Variants in PIK3R3 observed in about 807,000 individuals in gnomAD.
The protein encoded by PIK3R3 is phosphoinositide-3-kinase regulatory subunit 3.
PIK3R3 carries 64 observed loss-of-function variants against 62.9 expected under a neutral mutation model. The ratio of observed to expected loss-of-function variants is 1.02; its 90% confidence interval spans 0.83 to 1.25. The LOEUF (loss-of-function observed/expected upper bound fraction) is 1.25, where lower values mean the gene tolerates loss of function less well. PIK3R3 is among the 50% of genes most tolerant of loss of function. The probability of loss-of-function intolerance (pLI) is 0.00; values close to 1 mark genes in which losing one functional copy is unlikely to be tolerated. For missense variants in PIK3R3, 614 were observed against 561.6 expected, an observed-to-expected ratio of 1.09 and a Z score of -0.94; for synonymous variants, 165 against 189.0, an observed-to-expected ratio of 0.87 and a Z score of 1.04.
chr1:46,157,352 C>T, the PIK3R3 span, among the ~76,000 whole-genome samples: 3 of 152,072 alleles, frequency 2.0e-5, no homozygotes, highest in African/African-American at 4.8e-5. Context: ...AGGGTGGTCT[C>T]GAACTCATAA....
chr1:46,137,469 G>C (rs1655972081), upstream of PIK3R3, among the ~76,000 whole-genome samples: 1 of 152,232 alleles, frequency 6.6e-6, no homozygotes, highest in Non-Finnish European at 1.5e-5. Flanking sequence ...GCATGCACCT[G>C]CTTTAAATGT....
At chr1:46,101,143 G>A (rs1044368001) in intron 1 of PIK3R3, among the ~76,000 whole-genome samples, 7 of 141,052 alleles carry the variant, frequency 5.0e-5, no homozygotes, top group African/African-American at 1.9e-4. Flanking sequence ...CTGCACTCCA[G>A]CCTGGGAAAC....
intron 1 of PIK3R3, among the ~76,000 whole-genome samples, chr1:46,118,728 A>G (rs1250393833): frequency 6.6e-6 from 1 of 151,090 alleles, no homozygotes; most frequent in Non-Finnish European, 1.5e-5. Flanking sequence ...GCTAATTTTT[A>G]TATTATTAGT....
the PIK3R3 span, among the ~76,000 whole-genome samples, chr1:46,174,778 T>G: frequency 1.3e-5 from 2 of 152,018 alleles, no homozygotes; most frequent in African/African-American, 2.4e-5. Flanking sequence ...GGGCTCAAAC[T>G]CAGTCTTGCC....
the PIK3R3 span, among the ~76,000 whole-genome samples, chr1:46,162,054 C>T: frequency 2.2e-4 from 33 of 149,566 alleles, 1 homozygote; most frequent in Admixed American, 1.5e-3. Context: ...ATCGCGCCAC[C>T]GCACTCCAGC....
chr1:46,146,754 C>G, the PIK3R3 span, among the ~76,000 whole-genome samples: 3 of 132,182 alleles, frequency 2.3e-5, no homozygotes, highest in South Asian at 2.5e-4. Flanking sequence ...CACACACACA[C>G]AGCTTTGGTC....
rs777380631 is a variant in PIK3R3 at position 46,043,808 on chromosome 1, C to G, written c.1251G>C (p.Glu417Asp). Residue 417 changes from glutamate to aspartate, a missense_variant, in exon 10 of 10, where the codon GAG (glutamate) becomes GAC (aspartate). Glu to Asp is a conservative substitution (Grantham distance 45). Transcript: ENST00000262741. ...YSTARGYGFA[E>D]PYNLYSSLKE... ...TCAGAGAGCTGTACAGGTTGTAGGG[C>G]TCTGCAAAGCCATAGCCCCGAGCAG... The G allele has an allele frequency of 9.9e-6, 16 of 1,614,032 alleles. No individual in the cohort carries two copies. In the Admixed American group the frequency reaches 1.5e-4, roughly 15 times the overall value.
At chr1:46,077,055 A>G (rs1243122072) in intron 3 of PIK3R3, among the ~76,000 whole-genome samples, 1 of 152,148 alleles carries the variant, frequency 6.6e-6, no homozygotes, top group African/African-American at 2.4e-5. Flanking sequence ...CACTTAAAAG[A>G]CTCTAAATAT....
At chr1:46,093,098 C>G (rs1014892897) in intron 1 of PIK3R3, among the ~76,000 whole-genome samples, 4 of 152,192 alleles carry the variant, frequency 2.6e-5, no homozygotes, top group African/African-American at 9.7e-5. Context: ...TATTCTACCT[C>G]CCTGAACCAG....
chr1:46,127,777 T>C (rs1655227275), intron 1 of PIK3R3, among the ~76,000 whole-genome samples: 1 of 152,198 alleles, frequency 6.6e-6, no homozygotes, highest in Non-Finnish European at 1.5e-5. Flanking sequence ...GCTGTTCTGG[T>C]CTAGACCTCC....
chr1:46,079,850 A>G (rs2149413051), intron 2 of PIK3R3, among the ~76,000 whole-genome samples: 1 of 150,560 alleles, frequency 6.6e-6, no homozygotes, highest in South Asian at 2.1e-4. Context: ...GCTACTTGGG[A>G]GGCTGAGGCA....
intron 3 of PIK3R3, among the ~76,000 whole-genome samples, chr1:46,076,572 AGCT>A (rs1650084193): frequency 1.3e-5 from 2 of 152,218 alleles, no homozygotes; most frequent in African/African-American, 4.8e-5. Flanking sequence ...TAATTTCTTT[AGCT>A]CTTTACCAGA....
rs150772510 is a variant in PIK3R3 at position 46,107,980 on chromosome 1, T to C, written c.106+23867A>G. On this transcript the variant is annotated intron_variant, in intron 1 of 9. Coordinates refer to ENST00000262741, the MANE Select transcript of PIK3R3 (RefSeq NM_003629.4). ...ATCTGTGACCCTGAACAATTCACCC[T>C]TACTAAAGCTCATTTTCTTCACCTA... Among the ~76,000 whole-genome samples the C allele has an allele frequency of 7.9e-5, 12 of 152,332 alleles. No homozygotes were observed. In the East Asian group the frequency reaches 2.3e-3, roughly 29 times the overall value.
chr1:46,060,710 C>T (rs1648404650), intron 6 of PIK3R3, among the ~76,000 whole-genome samples: 1 of 152,096 alleles, frequency 6.6e-6, no homozygotes, highest in Non-Finnish European at 1.5e-5. Flanking sequence ...TGCCTCACAG[C>T]ACTTAGCTCT....
intron 6 of PIK3R3, among the ~76,000 whole-genome samples, chr1:46,061,614 G>A (rs145744287): frequency 1.3e-5 from 2 of 152,122 alleles, no homozygotes; most frequent in Non-Finnish European, 2.9e-5. Flanking sequence ...TGTTACACTA[G>A]GGATCAGGAC....
chr1:46,058,281 G>A (rs561865120), intron 6 of PIK3R3, among the ~76,000 whole-genome samples: 12 of 152,354 alleles, frequency 7.9e-5, no homozygotes, highest in African/African-American at 2.6e-4. Context: ...CTGCAGGGGC[G>A]GGGCTCTCAT....
intron 1 of PIK3R3, among the ~76,000 whole-genome samples, chr1:46,086,827 A>C (rs1251364815): frequency 6.6e-6 from 1 of 152,182 alleles, no homozygotes; most frequent in African/African-American, 2.4e-5. Context: ...CAATCTATAG[A>C]AAGAGCAGTT....
chr1:46,102,620 T>G (rs1652802367), intron 1 of PIK3R3, among the ~76,000 whole-genome samples: 1 of 151,732 alleles, frequency 6.6e-6, no homozygotes, highest in South Asian at 2.1e-4. Context: ...AGATGGCTAC[T>G]AAAAGAAAAA....
chr1:46,057,672 C>T (rs767502021), intron 6 of PIK3R3, among the ~76,000 whole-genome samples: 1 of 152,064 alleles, frequency 6.6e-6, no homozygotes, highest in Non-Finnish European at 1.5e-5. Flanking sequence ...TTGCCCCTGC[C>T]CTAGAGATTT....
Sources: allele counts gnomAD v4.1 joint callset (sites outside exome capture counted in the v4.1 genomes callset), GRCh38; gene constraint gnomAD v4.1.1; transcripts MANE v1.5; gene names NCBI Gene and HGNC (gene_info 2026-07-23, HGNC 2026-07-21).